Variants in CHD8 observed in about 807,000 individuals in gnomAD.
CHD8 encodes ATP-dependent chromatin remodeler CHD8.
In CHD8, 31 loss-of-function variants were observed where a neutral mutation model predicts 279.2. The ratio of observed to expected loss-of-function variants is 0.11; its 90% CI spans 0.08 to 0.15. The LOEUF is 0.15. CHD8 is among the 10% of genes least tolerant of loss of function. The probability of loss-of-function intolerance (pLI) is 1.00; values close to 1 mark genes in which losing one functional copy is unlikely to be tolerated. For missense variants in CHD8, 2,146 were observed against 3,230.5 expected, an observed-to-expected ratio of 0.66 and a Z score of 8.14; for synonymous variants, 1,081 against 1,139.6, an observed-to-expected ratio of 0.95 and a Z score of 1.04.
intron 14 of CHD8, among the ~76,000 whole-genome samples, chr14:21,406,367 T>C (rs1888254775): frequency 6.6e-6 from 1 of 152,176 alleles, no homozygotes; most frequent in Non-Finnish European, 1.5e-5. Context: ...TTTCTACTTT[T>C]GCCCTCTTGG....
intron 1 of CHD8, among the ~76,000 whole-genome samples, chr14:21,443,199 G>A (rs1407749243): frequency 1.3e-5 from 2 of 151,964 alleles, no homozygotes; most frequent in Non-Finnish European, 2.9e-5. Context: ...AGACCATCCT[G>A]GCTAACACGG....
At position 21,409,935 on chromosome 14, in the gene CHD8, T is replaced by C. The variant is rs1401852691; in HGVS notation, c.2280A>G (p.Thr760=). Residue 760 remains threonine, a synonymous_variant, in exon 11 of 38, where the codon ACA becomes ACG. Transcript: ENST00000646647. ...CATCAACATCTTCTTTTAGCTCCCA[T>C]GTGCTATCCTCATAGGGCAGAGAGC... ...KWCSLPYEDS[T]WELKEDVDEG... is the part of the protein sequence containing the mutation. 6 of 1,613,670 alleles carry C rather than the reference T, an allele frequency of 3.7e-6. No homozygotes were observed. Among genetic ancestry groups the C allele is most frequent in the Non-Finnish European group, 5.1e-6 (6 of 1,179,604 alleles).
chr14:21,414,202 A>C, intron 9 of CHD8, 99 bp downstream of exon 9: 1 of 699,566 alleles, frequency 1.4e-6, no homozygotes. Context: ...CATATATAGA[A>C]ACCAATTACA....
rs1204616374 is a variant in CHD8, at chr14:21,437,221, C to A, written c.-215-5363G>T. On this transcript the variant is annotated intron_variant, in intron 1 of 37. Transcript: ENST00000646647. ...GCAGTGGCTGTGGGGGGCCGGTTCG[C>A]CCCTCTCCCTGTCTCTCCAGCACCA... 7 of 1,185,026 alleles carry A rather than the reference C, an allele frequency of 5.9e-6. No homozygotes were observed. The South Asian group carries it at 7.7e-5, about 13-fold the overall frequency. 73.4% of individuals were successfully genotyped at this position (1,185,026 alleles called of 1,614,324 possible). A position where few individuals can be genotyped will look rare whatever the true frequency, so the allele number is the denominator to read the frequency against.
chr14:21,431,737 A>G lies in CHD8; in HGVS notation c.-94T>C. ...CCCCTCCCCTCCCCTATTAAGAAAAAAATGTACACAATGTAAGAGGACTAC... is the reference window on the plus strand; with the variant it reads ...CCCCTCCCCTCCCCTATTAAGAAAAGAATGTACACAATGTAAGAGGACTAC... On this transcript the variant is annotated 5_prime_UTR_variant, in exon 2 of 38. Transcript: ENST00000646647. The G allele has an allele frequency of 6.2e-7, 1 of 1,612,616 alleles. No individual in the cohort carries two copies.
At position 21,406,936 on chromosome 14, in the gene CHD8, G is replaced by A. The variant is rs1888276362; in HGVS notation, c.2827C>T (p.Arg943Cys). 3.7e-6 allele frequency: 6 copies of A among 1,612,764 alleles called. No individual in the cohort carries two copies. Among genetic ancestry groups the A allele is most frequent in the South Asian group, 3.3e-5 (3 of 90,808 alleles). Residue 943 changes from arginine (R) to cysteine (C), a missense_variant, in exon 14 of 38, where the codon CGT (arginine) becomes TGT (cysteine). By Grantham distance (180) the Arg-to-Cys change is radical. Transcript: ENST00000646647. The part of the protein sequence containing the change: ...DCPELREIEW[R>C]CVIIDEAHRL... ...TGGGCTTCATCAATGATAACACAAC[G>A]CCATTCAATTTCACGAAGCTCAGGA...
intron 1 of CHD8, among the ~76,000 whole-genome samples, chr14:21,435,690 G>A (rs1435296940): frequency 6.6e-6 from 1 of 152,232 alleles, no homozygotes; most frequent in Non-Finnish European, 1.5e-5. Flanking sequence ...GGAGATAAAT[G>A]TGCAGTTCTT....
chr14:21,424,556 T>C (rs2139523038), intron 5 of CHD8, among the ~76,000 whole-genome samples: 2 of 152,246 alleles, frequency 1.3e-5, no homozygotes, highest in Non-Finnish European at 2.9e-5. Context: ...CTGCAAGCTC[T>C]GCTTCTAGGG....
At chr14:21,393,395 C>G in intron 32 of CHD8, 81 bp downstream of exon 32, 1 of 1,498,902 alleles carries the variant, frequency 6.7e-7, no homozygotes, top group Non-Finnish European at 8.9e-7. Flanking sequence ...AAATCTCTCT[C>G]AAGAGGATGC....
chr14:21,413,144 A>T, intron 9 of CHD8, 148 bp from the exon 10 acceptor site: 2 of 637,084 alleles, frequency 3.1e-6, no homozygotes, highest in South Asian at 3.7e-5. Flanking sequence ...TTTTCATAAC[A>T]GCAAATCCTA....
Position 21,410,967 on chromosome 14 carries a change from T to C in CHD8, c.2227-979A>G, listed in dbSNP as rs183862138. ...TATTTATTTCCACCATTAGGTAATA[T>C]AAAATGGATGACAAACTTATTTTGC... On this transcript the variant is annotated intron_variant, in intron 10 of 37. Coordinates refer to ENST00000646647, the MANE Select transcript of CHD8 (RefSeq NM_001170629.2). 3.3e-5 allele frequency among the ~76,000 whole-genome samples: 5 copies of C among 152,270 alleles called. No homozygotes were observed. In the East Asian group the frequency reaches 7.7e-4, roughly 23 times the overall value.
At chr14:21,395,972 A>G (rs896702577) in intron 27 of CHD8, 80 bp from the exon 28 acceptor site, 11 of 848,554 alleles carry the variant, frequency 1.3e-5, no homozygotes, top group Non-Finnish European at 2.2e-5. Flanking sequence ...AGACCTAGCC[A>G]CACATATATC....
rs1594377104 is a variant in CHD8 at position 21,429,093 on chromosome 14, T to C, written c.1086A>G (p.Pro362=). 3.7e-6 allele frequency: 6 copies of C among 1,614,000 alleles called. No homozygotes were observed. Among genetic ancestry groups the C allele is most frequent in the Non-Finnish European group, 5.1e-6 (6 of 1,179,878 alleles). Reference sequence around the variant, plus strand: ...GGGTGGAGGGTGGCTGCTGGGGCTGTGGCTGCGATGATGGTGGTTGTGGTA... The same window carrying C: ...GGGTGGAGGGTGGCTGCTGGGGCTGCGGCTGCGATGATGGTGGTTGTGGTA... ...QIVPQPPSSQ[P]QPQQPPSTQP... The change falls in exon 3 of 38, where the codon CCA becomes CCG. Residue 362 remains proline, a synonymous_variant. Coordinates refer to ENST00000646647, the MANE Select transcript of CHD8 (RefSeq NM_001170629.2).
At chr14:21,397,105 C>T in intron 27 of CHD8, 1 of 210,286 alleles carries the variant, frequency 4.8e-6, no homozygotes, top group Non-Finnish European at 1.0e-5. Context: ...TTGTATGGTT[C>T]ACGCTTTTTT....
In CHD8 at chr14:21,401,084, C is replaced by T; in HGVS notation, c.4174-13G>A. The T allele has an allele frequency of 6.4e-7, 1 of 1,571,060 alleles. No homozygotes were observed. Among genetic ancestry groups the T allele is most frequent in the Non-Finnish European group, 8.7e-7 (1 of 1,155,966 alleles). The stretch of plus-strand genomic sequence containing the variant: ...TTACCAAATTATTCTATGAAGAGAA[C>T]AGAAGGAGAAGTAATTCTCTTCCTG... On this transcript the variant is annotated splice_polypyrimidine_tract_variant and intron_variant, in intron 21 of 37. Transcript: ENST00000646647.
intron 2 of CHD8, 119 bp from the exon 3 acceptor site, chr14:21,429,454 C>T: frequency 9.8e-7 from 1 of 1,021,362 alleles, no homozygotes; most frequent in Non-Finnish European, 1.5e-6. Context: ...AGACACAGTA[C>T]AACTCACTTT....
At chr14:21,412,860 A>G in intron 10 of CHD8, 53 bp downstream of exon 10, 1 of 1,132,780 alleles carries the variant, frequency 8.8e-7, no homozygotes. Context: ...TGGCAAACCC[A>G]CCAGCAGAAA....
At position 21,402,611 on chromosome 14, in the gene CHD8, T is replaced by A; in HGVS notation, c.3715-108A>T. On this transcript the variant is annotated intron_variant, in intron 18 of 37. Transcript: ENST00000646647. The surrounding 1 kb of genome is among the most constrained non-coding windows in gnomAD (Gnocchi z 4.5). ...TTCTTTCACCTCTATAGAGCAGCCA[T>A]GAGATCAACTCAAAACCAAGAGTCA... is the stretch of plus-strand genomic sequence containing the variant. 9.4e-7 allele frequency: 1 copy of A among 1,069,274 alleles called. No homozygotes were observed. The highest frequency in any genetic ancestry group is 1.3e-6 in the Non-Finnish European group (1 of 761,232). The allele number at this position is 1,069,274 out of a possible 1,614,324, so 66.2% of individuals were successfully genotyped here.
Position 21,390,734 on chromosome 14 carries a change from C to T in CHD8, c.7182+213G>A, listed in dbSNP as rs549926599. Among the ~76,000 whole-genome samples the T allele has an allele frequency of 1.7e-4, 25 of 147,964 alleles. No homozygotes were observed. The South Asian group carries it at 4.5e-3, about 27-fold the overall frequency. On this transcript the variant is annotated intron_variant, in intron 37 of 37. Coordinates refer to ENST00000646647, the MANE Select transcript of CHD8 (RefSeq NM_001170629.2). ...CGGAGGTTGCAGTAGGCCAAGATTG[C>T]GCCACTGCACGACAGCAGAGTGAGA...
Sources: gnomAD v4.1 joint callset for allele counts (sites outside exome capture counted in the v4.1 genomes callset) on GRCh38, gnomAD v4.1.1 for gene constraint, Gnocchi (gnomAD v3.1) non-coding constraint, MANE v1.5 for transcripts, NCBI Gene and HGNC (gene_info 2026-07-23, HGNC 2026-07-21) for gene names.